The following LYPLA1 variants were observed in gnomAD, a reference collection of about 807,000 sequenced individuals.
LYPLA1 encodes the protein acyl-protein thioesterase 1.
Under a neutral mutation model 34.0 loss-of-function variants are expected in LYPLA1, and 17 were observed. That is an observed-to-expected ratio of 0.50 (90% CI 0.34 to 0.75). The LOEUF (loss-of-function observed/expected upper bound fraction) is 0.75, where lower values mean the gene tolerates loss of function less well. Ranked by LOEUF, LYPLA1 falls within the 30% of genes least tolerant of loss-of-function variation. The pLI is 0.01. For missense variants in LYPLA1, 203 were observed against 288.8 expected (o/e 0.70, Z 2.15); for synonymous variants, 98 against 100.8 (o/e 0.97, Z 0.17).
intron 7 of LYPLA1, among the ~76,000 whole-genome samples, chr8:54,052,172 T>C (rs1011623534): frequency 6.6e-6 from 1 of 152,132 alleles, no homozygotes; most frequent in Non-Finnish European, 1.5e-5. Flanking sequence ...ATGATTTCTA[T>C]ATGTTAAAAA....
At chr8:54,078,659 G>T (rs1009443430) in intron 2 of LYPLA1, among the ~76,000 whole-genome samples, 3 of 152,200 alleles carry the variant, frequency 2.0e-5, no homozygotes, top group Admixed American at 6.5e-5. Context: ...ATCTAGACTT[G>T]TGACTTTGGG....
chr8:54,058,953 T>G (rs1563576982), intron 5 of LYPLA1, among the ~76,000 whole-genome samples: 2 of 152,162 alleles, frequency 1.3e-5, no homozygotes, highest in Non-Finnish European at 2.9e-5. Context: ...CAGTAGCACA[T>G]TCTCTTTTGT....
chr8:54,101,703 C>G (rs1810175197), intron 1 of LYPLA1, 52 bp downstream of exon 1: 5 of 1,252,338 alleles, frequency 4.0e-6, no homozygotes, highest in Non-Finnish European at 4.1e-6. Context: ...GAGGGGCAAC[C>G]ACCGGTGGCC....
Position 54,061,226 on chromosome 8 carries a change from G to A in LYPLA1, c.286+1028C>T, listed in dbSNP as rs937645425. Among the ~76,000 whole-genome samples, 8 of 151,740 alleles carry A rather than the reference G, an allele frequency of 5.3e-5. 1 individual carries two copies. Among genetic ancestry groups the A allele is most frequent in the Admixed American group, 3.3e-4 (5 of 15,212 alleles). The stretch of plus-strand genomic sequence containing the variant: ...CTCCCAAGTAGCTGGAATTACAGGC[G>A]TGCGTGACCACGCCCAGCTAATTTT... On this transcript the variant is annotated intron_variant, in intron 5 of 8. Transcript: ENST00000316963.
At chr8:54,074,051 G>A (rs183779664) in intron 2 of LYPLA1, among the ~76,000 whole-genome samples, 2 of 152,252 alleles carry the variant, frequency 1.3e-5, no homozygotes, top group East Asian at 1.9e-4. Flanking sequence ...CGAGGTGGGC[G>A]GATCACGAGG....
Position 54,046,511 on chromosome 8 carries a change from C to CAGA in LYPLA1, c.*1553_*1554insTCT, listed in dbSNP as rs1805498614. 1.3e-5 allele frequency: 2 copies of CAGA among 152,570 alleles called. No homozygotes were observed. Among genetic ancestry groups the CAGA allele is most frequent in the African/African-American group, 4.8e-5 (2 of 41,454 alleles). The allele number at this position is 152,570 out of a possible 1,614,324, so 9.5% of individuals were successfully genotyped here. ...TTGCTGATTTGTAGAAGTGAAATAA[C>CAGA]AGTTTATGTTCTTCAAGGTAAAGAA... On this transcript the variant is annotated 3_prime_UTR_variant, in exon 9 of 9. Coordinates refer to ENST00000316963, the MANE Select transcript of LYPLA1 (RefSeq NM_006330.4).
chr8:54,073,444 T>C, intron 2 of LYPLA1: 2 of 773,254 alleles, frequency 2.6e-6, no homozygotes, highest in Non-Finnish European at 4.8e-6. Context: ...GCCATTTATC[T>C]ACCTGGCTGT....
rs1267682862 is a variant in LYPLA1, at chr8:54,101,933, C to A, written c.-110G>T. On this transcript the variant is annotated 5_prime_UTR_variant, in exon 1 of 9. Coordinates refer to ENST00000316963, the MANE Select transcript of LYPLA1 (RefSeq NM_006330.4). Reference sequence around the variant, plus strand: ...CGGCCCCACCGGGCGCACGCTCAGGCGCGTGCGCGCCAACGCGGCCCCGCG... The same window carrying A: ...CGGCCCCACCGGGCGCACGCTCAGGAGCGTGCGCGCCAACGCGGCCCCGCG... 64 of 482,672 alleles carry A rather than the reference C, an allele frequency of 1.3e-4. No individual in the cohort carries two copies. Among genetic ancestry groups the A allele is most frequent in the Non-Finnish European group, 1.4e-5 (5 of 345,052 alleles). The allele number at this position is 482,672 out of a possible 1,614,324, so 29.9% of individuals were successfully genotyped here. A position where few individuals can be genotyped will look rare whatever the true frequency, so the allele number is the denominator to read the frequency against.
intron 2 of LYPLA1, among the ~76,000 whole-genome samples, chr8:54,086,999 A>G (rs1808842242): frequency 6.6e-6 from 1 of 152,192 alleles, no homozygotes; most frequent in Non-Finnish European, 1.5e-5. Context: ...ATAAAAATTT[A>G]ATAAATACAA....
At chr8:54,101,542 G>T (rs1289271530) in intron 1 of LYPLA1, 2 of 1,145,060 alleles carry the variant, frequency 1.7e-6, no homozygotes, top group East Asian at 4.2e-5. Flanking sequence ...ATGCAGGGAG[G>T]AGCTGGGGAC....
At chr8:54,064,097 A>AT (rs1312768336) in intron 3 of LYPLA1, among the ~76,000 whole-genome samples, 5 of 149,754 alleles carry the variant, frequency 3.3e-5, no homozygotes, top group Non-Finnish European at 5.9e-5. Flanking sequence ...CTTGGGGCAA[A>AT]TATCAATATC....
At chr8:54,098,043 T>C (rs1184691225) in intron 2 of LYPLA1, among the ~76,000 whole-genome samples, 1 of 151,438 alleles carries the variant, frequency 6.6e-6, no homozygotes, top group Non-Finnish European at 1.5e-5. Flanking sequence ...GCCAACATGA[T>C]GAAACCCCGT....
chr8:54,089,823 C>T (rs1458815052), intron 2 of LYPLA1, among the ~76,000 whole-genome samples: 7 of 152,134 alleles, frequency 4.6e-5, no homozygotes, highest in South Asian at 2.1e-4. Context: ...GTGGATGATA[C>T]GGTTTGGCTG....
chr8:54,069,516 C>T (rs533407887), intron 2 of LYPLA1, among the ~76,000 whole-genome samples: 1 of 152,162 alleles, frequency 6.6e-6, no homozygotes, highest in East Asian at 1.9e-4. Flanking sequence ...GAGTTCAAGA[C>T]CTGCTTGGCC....
At chr8:54,101,520 A>C in intron 1 of LYPLA1, 2 of 1,137,386 alleles carry the variant, frequency 1.8e-6, no homozygotes, top group Non-Finnish European at 2.2e-6. Flanking sequence ...CCGGGGCCAC[A>C]CTTCCTCCGC....
intron 2 of LYPLA1, among the ~76,000 whole-genome samples, chr8:54,071,806 T>G (rs1231278208): frequency 1.2e-4 from 18 of 152,200 alleles, no homozygotes. Flanking sequence ...ATGGCCATAC[T>G]GCCCAAAGCA....
chr8:54,048,159 A>T (rs776974209), intron 8 of LYPLA1, 41 bp from the exon 9 acceptor site: 2 of 1,295,282 alleles, frequency 1.5e-6, no homozygotes, highest in Admixed American at 3.5e-5. Context: ...GTAGTTATGT[A>T]AGTCAGAAAT....
chr8:54,080,168 T>C (rs1808207725), intron 2 of LYPLA1, among the ~76,000 whole-genome samples: 1 of 152,070 alleles, frequency 6.6e-6, no homozygotes, highest in African/African-American at 2.4e-5. Flanking sequence ...GGTGGATCAC[T>C]TGACCTTAGG....
intron 1 of LYPLA1, 134 bp from the exon 2 acceptor site, chr8:54,101,073 T>A: frequency 1.5e-6 from 1 of 676,298 alleles, no homozygotes; most frequent in Non-Finnish European, 2.4e-6. Context: ...TTCGGCGACT[T>A]AATCTTTATC....
Sources: gnomAD v4.1 joint callset for allele counts (sites outside exome capture counted in the v4.1 genomes callset) on GRCh38, gnomAD v4.1.1 for gene constraint, MANE v1.5 for transcripts, NCBI Gene and HGNC (gene_info 2026-07-23, HGNC 2026-07-21) for gene names.